The following TBC1D22A variants were observed in gnomAD, a reference collection of about 807,000 sequenced individuals.
TBC1D22A encodes the protein TBC1 domain family member 22A.
In TBC1D22A, 38 loss-of-function variants were observed where a neutral mutation model predicts 60.2. The observed-to-expected ratio is 0.63, with a 90% CI of 0.49 to 0.83. The LOEUF (loss-of-function observed/expected upper bound fraction) is 0.83. TBC1D22A is among the 40% of genes least tolerant of loss of function. TBC1D22A has a pLI of 0.00. For synonymous variants in TBC1D22A, 302 were observed against 281.7 expected (o/e 1.07, Z -0.72); for missense variants, 628 against 701.0 (o/e 0.90, Z 1.18).
chr22:46,950,080 G>A (rs1447496378), intron 8 of TBC1D22A, among the ~76,000 whole-genome samples: 1 of 152,242 alleles, frequency 6.6e-6, no homozygotes, highest in East Asian at 1.9e-4. Flanking sequence ...GAAGCTGGGT[G>A]GACTCCAGGA....
At chr22:46,834,045 C>T (rs552014538) in intron 4 of TBC1D22A, among the ~76,000 whole-genome samples, 1 of 152,054 alleles carries the variant, frequency 6.6e-6, no homozygotes, top group South Asian at 2.1e-4. Flanking sequence ...GTAGCATTTT[C>T]TTATTTAAAT....
chr22:46,957,884 T>G (rs1289976754), intron 8 of TBC1D22A, among the ~76,000 whole-genome samples: 2 of 152,100 alleles, frequency 1.3e-5, no homozygotes, highest in Non-Finnish European at 2.9e-5. Flanking sequence ...CTAACAATAG[T>G]GGACAGATCC....
chr22:46,979,911 C>T (rs1389623148), intron 9 of TBC1D22A, among the ~76,000 whole-genome samples: 1 of 152,034 alleles, frequency 6.6e-6, no homozygotes, highest in African/African-American at 2.4e-5. Flanking sequence ...AACTTCTGCC[C>T]AGGAGGGATG....
At chr22:46,932,559 C>T (rs2071411166) in intron 8 of TBC1D22A, among the ~76,000 whole-genome samples, 1 of 152,120 alleles carries the variant, frequency 6.6e-6, no homozygotes, top group Admixed American at 6.5e-5. Context: ...CTTCATTTCC[C>T]ATGGCCCCCT....
intron 11 of TBC1D22A, among the ~76,000 whole-genome samples, chr22:47,063,916 C>G (rs184988360): frequency 3.3e-5 from 5 of 151,776 alleles, no homozygotes; most frequent in Admixed American, 6.6e-5. Flanking sequence ...GTGAGGACAC[C>G]CATCGTTGGA....
At chr22:47,147,533 C>G (rs28453028) in intron 12 of TBC1D22A, among the ~76,000 whole-genome samples, 2,042 of 152,318 alleles carry the variant, frequency 0.013, 54 homozygotes, top group African/African-American at 0.046. Flanking sequence ...TCGTGAGGAC[C>G]CAGGGGTCAC....
chr22:46,812,328 C>T (rs995963790), intron 4 of TBC1D22A, among the ~76,000 whole-genome samples: 58 of 152,180 alleles, frequency 3.8e-4, no homozygotes, highest in Non-Finnish European at 1.5e-5. Context: ...CTTCTCTGCA[C>T]CCCCTGTGGG....
chr22:47,101,081 C>T (rs761892378), intron 11 of TBC1D22A, among the ~76,000 whole-genome samples: 3 of 152,138 alleles, frequency 2.0e-5, no homozygotes, highest in Non-Finnish European at 2.9e-5. Context: ...CCCCAGCAGA[C>T]TTATTGTTGA....
intron 10 of TBC1D22A, among the ~76,000 whole-genome samples, chr22:46,998,583 C>G (rs1487435285): frequency 6.6e-6 from 1 of 152,248 alleles, no homozygotes; most frequent in Non-Finnish European, 1.5e-5. Context: ...GTGCCTTTTC[C>G]CCTCCCTGCG....
chr22:47,008,852 C>T (rs372363894), intron 10 of TBC1D22A, among the ~76,000 whole-genome samples: 5 of 152,160 alleles, frequency 3.3e-5, no homozygotes, highest in African/African-American at 4.8e-5. Context: ...GACCTCCCAC[C>T]GGGAAGTTAG....
At chr22:47,086,497 C>G (rs1402033537) in intron 11 of TBC1D22A, among the ~76,000 whole-genome samples, 1 of 152,134 alleles carries the variant, frequency 6.6e-6, no homozygotes, top group East Asian at 1.9e-4. Context: ...AAACCGTAGC[C>G]TTAATCTGGG....
chr22:47,175,442 C>T lies in TBC1D22A; in HGVS notation c.*1816C>T, dbSNP rs2294295. The T allele has an allele frequency of 0.47, 71,543 of 150,988 alleles. 18,166 individuals carry two copies. Among genetic ancestry groups the T allele is most frequent in the South Asian group, 0.57 (2,746 of 4,828 alleles). 9.4% of individuals were successfully genotyped at this position (150,988 alleles called of 1,614,324 possible). On this transcript the variant is annotated 3_prime_UTR_variant, in exon 13 of 13. Coordinates refer to ENST00000337137, the MANE Select transcript of TBC1D22A (RefSeq NM_014346.5). Reference sequence around the variant, plus strand: ...TCAGCCCTGGGAGGATCCCCTTCTCCAGCTCAGATCATGCCGTGTGGCCAG... The same window carrying T: ...TCAGCCCTGGGAGGATCCCCTTCTCTAGCTCAGATCATGCCGTGTGGCCAG...
intron 12 of TBC1D22A, among the ~76,000 whole-genome samples, chr22:47,152,084 A>G (rs147749114): frequency 1.6e-4 from 24 of 152,334 alleles, no homozygotes; most frequent in African/African-American, 5.8e-4. Context: ...TCCTGCGTGT[A>G]TCTGACTAGA....
intron 11 of TBC1D22A, among the ~76,000 whole-genome samples, chr22:47,052,829 C>G (rs1051161694): frequency 1.3e-5 from 2 of 152,234 alleles, no homozygotes; most frequent in African/African-American, 4.8e-5. Flanking sequence ...GACACCAAGC[C>G]CACCACACGG....
chr22:47,109,869 C>T (rs2065783642), intron 11 of TBC1D22A, among the ~76,000 whole-genome samples: 1 of 152,044 alleles, frequency 6.6e-6, no homozygotes, highest in South Asian at 2.1e-4. Context: ...GTCACTAGCC[C>T]CTCTTGAATT....
intron 4 of TBC1D22A, among the ~76,000 whole-genome samples, chr22:46,817,755 T>C (rs1273685541): frequency 6.6e-5 from 10 of 152,242 alleles, no homozygotes; most frequent in Non-Finnish European, 2.9e-5. Context: ...TGATTTATAT[T>C]CTTTTGGGTA....
intron 12 of TBC1D22A, among the ~76,000 whole-genome samples, chr22:47,144,683 G>A (rs1028183705): frequency 1.3e-5 from 2 of 152,066 alleles, no homozygotes; most frequent in African/African-American, 2.4e-5. Flanking sequence ...GGTGCAGCCC[G>A]TGAAGGTGCC....
intron 1 of TBC1D22A, among the ~76,000 whole-genome samples, chr22:46,776,060 G>A (rs2083690887): frequency 6.6e-6 from 1 of 152,256 alleles, no homozygotes; most frequent in Admixed American, 6.5e-5. Context: ...TCTGCCGCAA[G>A]GATGCTGGTG....
intron 5 of TBC1D22A, among the ~76,000 whole-genome samples, chr22:46,881,352 T>A (rs1485874481): frequency 6.6e-6 from 1 of 152,198 alleles, no homozygotes; most frequent in Non-Finnish European, 1.5e-5. Flanking sequence ...GTCGTCCCCC[T>A]GGGGCCTGCA....
Sources: allele counts gnomAD v4.1 joint callset (sites outside exome capture counted in the v4.1 genomes callset), GRCh38; gene constraint gnomAD v4.1.1; transcripts MANE v1.5; gene names NCBI Gene and HGNC (gene_info 2026-07-23, HGNC 2026-07-21).